BICC1: variants seen among roughly 807,000 people sequenced by gnomAD.
BICC1 encodes the protein BicC family RNA binding protein 1.
A neutral mutation model predicts 111.0 loss-of-function variants in BICC1; 43 were observed. The observed-to-expected ratio is 0.39, with a 90% CI of 0.30 to 0.50. The LOEUF is 0.50. BICC1 is among the 20% of genes least tolerant of loss of function. The pLI is 0.88. For missense variants in BICC1, 1,091 were observed against 1,203.2 expected (o/e 0.91, Z 1.38); for synonymous variants, 467 against 434.4 (o/e 1.07, Z -0.93).
chr10:58,515,161 T>G (rs531364936), intron 1 of BICC1, among the ~76,000 whole-genome samples: 1 of 152,350 alleles, frequency 6.6e-6, no homozygotes, highest in East Asian at 1.9e-4. Context: ...TATTAATAGA[T>G]GTGATACTAC....
At chr10:58,686,879 C>G (rs1047050223) in intron 2 of BICC1, among the ~76,000 whole-genome samples, 4 of 152,202 alleles carry the variant, frequency 2.6e-5, no homozygotes, top group Non-Finnish European at 5.9e-5. Flanking sequence ...TTCAACTCGT[C>G]AAAGTCATTG....
chr10:58,787,519 C>T (rs948532246), intron 5 of BICC1, among the ~76,000 whole-genome samples: 9 of 152,178 alleles, frequency 5.9e-5, no homozygotes, highest in African/African-American at 2.2e-4. Context: ...TTATGTCTCT[C>T]TCTAGTTTAT....
intron 6 of BICC1, among the ~76,000 whole-genome samples, chr10:58,788,824 A>G (rs1331812062): frequency 1.3e-5 from 2 of 152,186 alleles, no homozygotes; most frequent in Non-Finnish European, 2.9e-5. Flanking sequence ...GGTGGCTCAC[A>G]CCTGTAATCC....
chr10:58,683,033 T>C (rs1435248666), intron 2 of BICC1, among the ~76,000 whole-genome samples: 1 of 152,120 alleles, frequency 6.6e-6, no homozygotes. Flanking sequence ...AATTAAGTCT[T>C]TAATCCATCT....
At chr10:58,774,495 T>C (rs1842699113) in intron 3 of BICC1, among the ~76,000 whole-genome samples, 1 of 152,202 alleles carries the variant, frequency 6.6e-6, no homozygotes, top group South Asian at 2.1e-4. Context: ...GTATTTTTTG[T>C]GCATTATAAA....
intron 3 of BICC1, among the ~76,000 whole-genome samples, chr10:58,742,374 C>T (rs979841134): frequency 5.3e-5 from 8 of 150,854 alleles, no homozygotes; most frequent in African/African-American, 2.0e-4. Flanking sequence ...ATTATTATAT[C>T]TCAGTGGTAT....
At chr10:58,692,800 T>C (rs1487019050) in intron 2 of BICC1, among the ~76,000 whole-genome samples, 1 of 152,006 alleles carries the variant, frequency 6.6e-6, no homozygotes, top group Non-Finnish European at 1.5e-5. Context: ...TAATGTGAAG[T>C]TTTTTGTGGC....
chr10:58,539,635 CA>C (rs1842910453), intron 1 of BICC1, among the ~76,000 whole-genome samples: 1 of 151,678 alleles, frequency 6.6e-6, no homozygotes, highest in East Asian at 1.9e-4. Context: ...CAGCAGAACA[CA>C]AAAAATATAT....
intron 1 of BICC1, among the ~76,000 whole-genome samples, chr10:58,546,444 T>G (rs1201240438): frequency 6.6e-6 from 1 of 152,216 alleles, no homozygotes; most frequent in African/African-American, 2.4e-5. Flanking sequence ...GTCTCCCAAT[T>G]TTTATTGTGA....
In BICC1 at chr10:58,789,291, G is replaced by T. The variant is rs756340626; in HGVS notation, c.630G>T (p.Glu210Asp). 3.7e-6 allele frequency: 6 copies of T among 1,613,802 alleles called. No homozygotes were observed. The highest frequency in any genetic ancestry group is 5.1e-6 in the Non-Finnish European group (6 of 1,179,904). The change falls in exon 7 of 21, where the codon GAG becomes GAT. Residue 210 changes from glutamate to aspartate, a missense_variant. By Grantham distance (45) the Glu-to-Asp change is conservative (BLOSUM62 2). This residue lies in a region of BICC1 where 843 missense variants were observed against 900.8 expected (regional missense o/e 0.94). Transcript: ENST00000373886. ...TGCTTCCTTTGGTGCTGATGTTTGA[G>T]CTACCAATTGCTGGAATTCTTCAAC... ...RELLPLVLMF[E>D]LPIAGILQPV...
At chr10:58,797,959 C>G (rs888866602) in intron 10 of BICC1, among the ~76,000 whole-genome samples, 2 of 152,180 alleles carry the variant, frequency 1.3e-5, no homozygotes, top group Non-Finnish European at 1.5e-5. Context: ...ACAAATAGAT[C>G]TATCCTACCA....
At chr10:58,574,673 A>G (rs569637903) in intron 1 of BICC1, among the ~76,000 whole-genome samples, 3 of 152,168 alleles carry the variant, frequency 2.0e-5, no homozygotes, top group Non-Finnish European at 4.4e-5. Context: ...GATGTTGACT[A>G]TATTTTCAGT....
chr10:58,737,214 C>T (rs552939044), intron 3 of BICC1, among the ~76,000 whole-genome samples: 115 of 152,204 alleles, frequency 7.6e-4, no homozygotes, highest in Middle Eastern at 3.4e-3. Context: ...CGTCATTTAA[C>T]ATTAGGTATA....
At chr10:58,631,327 T>A (rs1330734448) in intron 2 of BICC1, among the ~76,000 whole-genome samples, 1 of 152,148 alleles carries the variant, frequency 6.6e-6, no homozygotes, top group Non-Finnish European at 1.5e-5. Flanking sequence ...CTAGTGTTAC[T>A]CTCTCATTTT....
chr10:58,701,928 T>G, intron 2 of BICC1, 146 bp from the exon 3 acceptor site: 3 of 557,102 alleles, frequency 5.4e-6, no homozygotes, highest in Non-Finnish European at 9.4e-6. Flanking sequence ...CAGGGTTTTT[T>G]TTTTCTTTGC....
At chr10:58,725,480 AGTT>A (rs1841076737) in intron 3 of BICC1, among the ~76,000 whole-genome samples, 1 of 152,174 alleles carries the variant, frequency 6.6e-6, no homozygotes, top group African/African-American at 2.4e-5. Flanking sequence ...TTGTTTGTGA[AGTT>A]GTCCTGTCCT....
At chr10:58,812,751 T>C (rs1843952333) in intron 17 of BICC1, among the ~76,000 whole-genome samples, 1 of 152,166 alleles carries the variant, frequency 6.6e-6, no homozygotes, top group Non-Finnish European at 1.5e-5. Context: ...GTGCTGGAAT[T>C]ACAGGTGTGA....
At chr10:58,637,002 T>A (rs1837971862) in intron 2 of BICC1, among the ~76,000 whole-genome samples, 1 of 152,112 alleles carries the variant, frequency 6.6e-6, no homozygotes, top group African/African-American at 2.4e-5. Flanking sequence ...TTCCATATCT[T>A]TAGTTGCTTG....
Position 58,598,771 on chromosome 10 carries a change from A to T in BICC1, c.191-22084A>T, listed in dbSNP as rs1241609549. 2.6e-5 allele frequency among the ~76,000 whole-genome samples: 4 copies of T among 152,312 alleles called. No homozygotes were observed. In the East Asian group the frequency reaches 7.7e-4, roughly 29 times the overall value. ...ACACTCTATGCATTGACAAAGGGCT[A>T]ATACTCAGAATCTACAAAGAGCTTA... On this transcript the variant is annotated intron_variant, in intron 1 of 20. Transcript: ENST00000373886.
Sources: gnomAD v4.1 joint callset for allele counts (sites outside exome capture counted in the v4.1 genomes callset) on GRCh38, gnomAD v4.1.1 for gene constraint, gnomAD v4.1.1 regional missense constraint, MANE v1.5 for transcripts, NCBI Gene and HGNC (gene_info 2026-07-23, HGNC 2026-07-21) for gene names.